Variants in SIK3 observed in about 807,000 individuals in gnomAD.
The protein encoded by SIK3 is SIK family kinase 3.
SIK3 carries 28 observed loss-of-function variants against 144.2 expected under a neutral mutation model. That is an observed-to-expected ratio of 0.19 (90% CI 0.14 to 0.27). SIK3 has a LOEUF of 0.27. Among genes scored for constraint, SIK3 ranks in the 10% least tolerant of loss-of-function variants. The pLI, the probability that SIK3 is intolerant of heterozygous loss-of-function variation, is 1.00. For missense variants in SIK3, 1,319 were observed against 1,776.0 expected (o/e 0.74, Z 4.62); for synonymous variants, 686 against 676.3 (o/e 1.01, Z -0.22).
intron 1 of SIK3, among the ~76,000 whole-genome samples, chr11:117,029,632 T>C (rs1331958571): frequency 6.6e-6 from 1 of 151,986 alleles, no homozygotes; most frequent in Non-Finnish European, 1.5e-5. Context: ...GAGAGCTATT[T>C]TGGAAGCAGA....
intron 1 of SIK3, among the ~76,000 whole-genome samples, chr11:117,016,998 C>T (rs1444362110): frequency 6.6e-6 from 1 of 152,194 alleles, no homozygotes; most frequent in Non-Finnish European, 1.5e-5. Flanking sequence ...GAAGCTGATA[C>T]AACAGAATAC....
At chr11:117,002,386 C>A (rs1482253672) in intron 1 of SIK3, among the ~76,000 whole-genome samples, 1 of 151,286 alleles carries the variant, frequency 6.6e-6, no homozygotes, top group East Asian at 1.9e-4. Flanking sequence ...GCCAGGGAAG[C>A]CAAACAATTG....
At chr11:117,089,471 T>C (rs570682876) in intron 1 of SIK3, among the ~76,000 whole-genome samples, 7 of 152,056 alleles carry the variant, frequency 4.6e-5, no homozygotes, top group African/African-American at 7.2e-5. Flanking sequence ...GAAGACTTCA[T>C]TTCACTGAAT....
At chr11:116,997,354 CA>C (rs1335892320) in intron 1 of SIK3, among the ~76,000 whole-genome samples, 1 of 152,194 alleles carries the variant, frequency 6.6e-6, no homozygotes, top group Non-Finnish European at 1.5e-5. Flanking sequence ...AAGAAGACCC[CA>C]AACAGCTGAC....
At chr11:116,962,337 G>C (rs978110217) in intron 1 of SIK3, among the ~76,000 whole-genome samples, 1 of 152,208 alleles carries the variant, frequency 6.6e-6, no homozygotes, top group African/African-American at 2.4e-5. Flanking sequence ...AGACGAGAAA[G>C]AGGATCTCCT....
At chr11:117,017,012 T>C (rs760935701) in intron 1 of SIK3, among the ~76,000 whole-genome samples, 4 of 152,222 alleles carry the variant, frequency 2.6e-5, no homozygotes, top group Non-Finnish European at 5.9e-5. Flanking sequence ...AGAATACATA[T>C]TGTGTAATGC....
In SIK3 at chr11:116,873,483, G is replaced by A. The variant is rs756385715; in HGVS notation, c.1735C>T (p.Pro579Ser). ...RGPSPLVTMTPAVPAVTPVDE... is the reference protein window; with the variant it reads ...RGPSPLVTMTSAVPAVTPVDE... ...TTGGGCTCTGTGCTGCTACTCACTG[G>A]TGTCATGGTGACAAGCGGAGAGGGT... The change falls in exon 13 of 25, where the codon CCA (proline) becomes TCA (serine). Residue 579 changes from proline (P) to serine (S), a missense_variant and splice_region_variant. Pro to Ser is a moderately conservative substitution (Grantham distance 74). Around this residue, in one of 8 missense-constraint regions of SIK3, gnomAD observed 167 missense variants for 263.3 expected, o/e 0.63. Transcript: ENST00000445177. 1 of 1,614,168 alleles carries A rather than the reference G, an allele frequency of 6.2e-7. No individual in the cohort carries two copies. Among genetic ancestry groups the A allele is most frequent in the East Asian group, 2.2e-5 (1 of 44,866 alleles).
At chr11:116,876,793 G>A in intron 7 of SIK3, 131 bp downstream of exon 7, 1 of 714,588 alleles carries the variant, frequency 1.4e-6, no homozygotes. Context: ...TGCTTCACGT[G>A]CTGCTTTAGT....
intron 4 of SIK3, among the ~76,000 whole-genome samples, chr11:116,908,742 T>A (rs548286233): frequency 6.6e-6 from 1 of 152,182 alleles, no homozygotes; most frequent in East Asian, 1.9e-4. Context: ...AGTTGCCAGA[T>A]GGGCAAAAAT....
chr11:116,927,554 A>G (rs1947343148), intron 3 of SIK3, among the ~76,000 whole-genome samples, 174 bp from the exon 4 acceptor site: 2 of 152,372 alleles, frequency 1.3e-5, no homozygotes, highest in African/African-American at 2.4e-5. Flanking sequence ...TTCATTAGTA[A>G]TAAGTATCCA....
intron 1 of SIK3, among the ~76,000 whole-genome samples, chr11:117,051,148 ACT>A (rs1237003397): frequency 6.6e-6 from 1 of 151,930 alleles, no homozygotes; most frequent in Non-Finnish European, 1.5e-5. Flanking sequence ...GAGCAAATTC[ACT>A]CTTTCTTCTT....
At chr11:116,947,569 A>ATT (rs1555107834) in intron 3 of SIK3, among the ~76,000 whole-genome samples, 9,876 of 109,286 alleles carry the variant, frequency 0.09, 690 homozygotes, top group Admixed American at 0.16. Context: ...GTATGTATGT[A>ATT]TTTTTTTTTT....
intron 1 of SIK3, among the ~76,000 whole-genome samples, chr11:117,046,964 C>T (rs1952994264): frequency 6.6e-6 from 1 of 152,168 alleles, no homozygotes; most frequent in South Asian, 2.1e-4. Flanking sequence ...TATCCCCCAT[C>T]CTATATTTTA....
chr11:116,898,190 G>A (rs1452103554), intron 4 of SIK3, among the ~76,000 whole-genome samples: 1 of 145,008 alleles, frequency 6.9e-6, no homozygotes. Context: ...TGTTCTCATT[G>A]TTCAATTCCC....
chr11:116,914,016 T>C (rs1370517439), intron 4 of SIK3, among the ~76,000 whole-genome samples: 1 of 152,040 alleles, frequency 6.6e-6, no homozygotes, highest in Non-Finnish European at 1.5e-5. Context: ...GAAGATAGGA[T>C]TGTCACTTAA....
intron 3 of SIK3, among the ~76,000 whole-genome samples, chr11:116,938,848 C>T (rs1057074815): frequency 6.6e-6 from 1 of 152,156 alleles, no homozygotes; most frequent in Non-Finnish European, 1.5e-5. Context: ...GGAATAATTT[C>T]AGTTTCAAAA....
intron 1 of SIK3, among the ~76,000 whole-genome samples, chr11:117,011,248 A>C (rs1180808722): frequency 3.3e-5 from 5 of 152,146 alleles, no homozygotes; most frequent in African/African-American, 1.2e-4. Flanking sequence ...GAAGCTGCAA[A>C]CTTTCTGCAT....
At chr11:116,852,356 C>A (rs1942529897) in intron 21 of SIK3, among the ~76,000 whole-genome samples, 1 of 152,202 alleles carries the variant, frequency 6.6e-6, no homozygotes. Context: ...ACAGAGCAAG[C>A]AACCACCTGA....
intron 1 of SIK3, among the ~76,000 whole-genome samples, chr11:117,057,040 AAC>A (rs1953566967): frequency 6.6e-6 from 1 of 152,230 alleles, no homozygotes; most frequent in Non-Finnish European, 1.5e-5. Context: ...TGTAAGAAAC[AAC>A]AGAGATCTCC....
Sources: allele counts gnomAD v4.1 joint callset (sites outside exome capture counted in the v4.1 genomes callset), GRCh38; gene constraint gnomAD v4.1.1; regional missense constraint gnomAD v4.1.1; transcripts MANE v1.5; gene names NCBI Gene and HGNC (gene_info 2026-07-23, HGNC 2026-07-21).